The following ENTHD1 variants were observed in gnomAD, a reference collection of about 807,000 sequenced individuals.
ENTHD1 encodes ENTH domain-containing protein 1.
In ENTHD1, 23 loss-of-function variants were observed where a neutral mutation model predicts 39.1. The observed-to-expected ratio is 0.59, with a 90% CI of 0.42 to 0.83. The LOEUF is 0.83. Ranked by LOEUF, ENTHD1 falls within the 40% of genes least tolerant of loss-of-function variation. The pLI, the probability that ENTHD1 is intolerant of heterozygous loss-of-function variation, is 0.00. For synonymous variants in ENTHD1, 230 were observed against 258.2 expected (o/e 0.89, Z 1.05); for missense variants, 624 against 705.4 (o/e 0.88, Z 1.31).
intron 3 of ENTHD1, among the ~76,000 whole-genome samples, chr22:39,857,011 G>A (rs1379882574): frequency 2.0e-5 from 3 of 152,054 alleles, no homozygotes; most frequent in East Asian, 1.9e-4. Flanking sequence ...TGTGTTTGTC[G>A]TATTAAAAAA....
intron 6 of ENTHD1, among the ~76,000 whole-genome samples, chr22:39,762,600 T>C (rs1159893189): frequency 6.6e-6 from 1 of 151,964 alleles, no homozygotes; most frequent in Admixed American, 6.6e-5. Flanking sequence ...TACAGGCACA[T>C]GCTACCACAT....
Position 39,743,653 on chromosome 22 carries a change from T to C in ENTHD1, c.*26A>G. 6.5e-7 allele frequency: 1 copy of C among 1,549,298 alleles called. No homozygotes were observed. The highest frequency in any genetic ancestry group is 8.7e-7 in the Non-Finnish European group (1 of 1,149,448). Reference sequence around the variant, plus strand: ...CTTGGGGAAGTGGAACCACACGAGTTCTATCAAAAATAGATATTGTGATGA... The same window carrying C: ...CTTGGGGAAGTGGAACCACACGAGTCCTATCAAAAATAGATATTGTGATGA... On this transcript the variant is annotated 3_prime_UTR_variant, in exon 7 of 7. Transcript: ENST00000325157.
chr22:39,817,866 G>C (rs2065745571), intron 5 of ENTHD1, among the ~76,000 whole-genome samples: 1 of 152,126 alleles, frequency 6.6e-6, no homozygotes, highest in Admixed American at 6.5e-5. Context: ...TTTTGTCAAG[G>C]ATTTATAATT....
intron 5 of ENTHD1, among the ~76,000 whole-genome samples, chr22:39,771,547 T>C (rs1037662233): frequency 2.0e-5 from 3 of 152,128 alleles, no homozygotes; most frequent in African/African-American, 4.8e-5. Flanking sequence ...CATAGTCAAA[T>C]TGCTGATAAT....
At chr22:39,824,579 A>G (rs2065812409) in intron 4 of ENTHD1, among the ~76,000 whole-genome samples, 1 of 152,112 alleles carries the variant, frequency 6.6e-6, no homozygotes, top group Non-Finnish European at 1.5e-5. Context: ...TAAGTCTGTG[A>G]TTAACTTGGA....
chr22:39,841,226 A>G (rs1461967020), intron 3 of ENTHD1, among the ~76,000 whole-genome samples: 1 of 152,140 alleles, frequency 6.6e-6, no homozygotes, highest in Non-Finnish European at 1.5e-5. Flanking sequence ...TTATCTATTT[A>G]TGTACACATA....
chr22:39,823,622 G>A (rs1179286384), intron 4 of ENTHD1, among the ~76,000 whole-genome samples: 1 of 152,052 alleles, frequency 6.6e-6, no homozygotes, highest in Non-Finnish European at 1.5e-5. Context: ...CAAAGTGCTA[G>A]GATTACAGGC....
intron 1 of ENTHD1, among the ~76,000 whole-genome samples, chr22:39,890,297 C>T (rs2066416820): frequency 6.6e-6 from 1 of 151,860 alleles, no homozygotes; most frequent in South Asian, 2.1e-4. Flanking sequence ...TTATTTGGCA[C>T]CTTCCTGCAG....
At chr22:39,778,088 T>C (rs1402200835) in intron 5 of ENTHD1, among the ~76,000 whole-genome samples, 1 of 152,346 alleles carries the variant, frequency 6.6e-6, no homozygotes, top group Non-Finnish European at 1.5e-5. Context: ...AGAGGTTTAA[T>C]TCTGACGTGA....
At chr22:39,748,551 G>T (rs999544439) in intron 6 of ENTHD1, among the ~76,000 whole-genome samples, 8 of 151,828 alleles carry the variant, frequency 5.3e-5, no homozygotes, top group Non-Finnish European at 7.4e-5. Context: ...CTGACGAGTA[G>T]CTGGAATTGC....
chr22:39,846,465 T>C (rs1010322065), intron 3 of ENTHD1, among the ~76,000 whole-genome samples: 1 of 152,232 alleles, frequency 6.6e-6, no homozygotes. Flanking sequence ...TAGTTTCTTT[T>C]GCTGTGCAGA....
intron 2 of ENTHD1, among the ~76,000 whole-genome samples, chr22:39,877,528 C>T (rs1025995690): frequency 1.3e-5 from 2 of 152,146 alleles, no homozygotes; most frequent in African/African-American, 4.8e-5. Flanking sequence ...CAGAAACCTC[C>T]AAGGAAACAA....
chr22:39,859,179 A>G (rs2066119596), intron 3 of ENTHD1, among the ~76,000 whole-genome samples: 1 of 152,216 alleles, frequency 6.6e-6, no homozygotes, highest in African/African-American at 2.4e-5. Context: ...GCAGAATTAA[A>G]GACAGTTAGA....
intron 3 of ENTHD1, among the ~76,000 whole-genome samples, chr22:39,861,136 T>TA (rs754574376): frequency 2.9e-4 from 44 of 152,324 alleles, no homozygotes; most frequent in African/African-American, 1.0e-3. Context: ...CAGTTAAGGA[T>TA]AAAAAACTTA....
In ENTHD1 at chr22:39,743,762, T is replaced by C. The variant is rs780359859; in HGVS notation, c.1741A>G (p.Met581Val). ...QELNVINNIL[M>V]SMSLNSSQIS... is the part of the protein sequence containing the mutation. ...TGTGAACTATTCAGACTCATGCTCA[T>C]CAAGATGTTATTGATGACATTAAGT... Residue 581 changes from methionine (M) to valine (V), a missense_variant, in exon 7 of 7, where the codon ATG becomes GTG. Transcript: ENST00000325157. 6 of 1,614,040 alleles carry C rather than the reference T, an allele frequency of 3.7e-6. No homozygotes were observed. The highest frequency in any genetic ancestry group is 3.3e-5 in the South Asian group (3 of 91,086).
At chr22:39,763,677 C>T (rs934196653) in intron 6 of ENTHD1, among the ~76,000 whole-genome samples, 1 of 152,010 alleles carries the variant, frequency 6.6e-6, no homozygotes, top group African/African-American at 2.4e-5. Flanking sequence ...TTAATAATTT[C>T]CTAGATTTAA....
At chr22:39,879,961 C>T (rs1276289364) in intron 2 of ENTHD1, among the ~76,000 whole-genome samples, 3 of 152,232 alleles carry the variant, frequency 2.0e-5, no homozygotes, top group African/African-American at 7.2e-5. Context: ...GGCGCAATGG[C>T]TCATGCCTAT....
chr22:39,840,981 C>T (rs1307231527), intron 3 of ENTHD1, among the ~76,000 whole-genome samples: 1 of 152,126 alleles, frequency 6.6e-6, no homozygotes, highest in Non-Finnish European at 1.5e-5. Flanking sequence ...TCCTCGTGAT[C>T]CACCCACCTC....
intron 4 of ENTHD1, among the ~76,000 whole-genome samples, chr22:39,829,402 T>G (rs1002131292): frequency 6.6e-6 from 1 of 151,546 alleles, no homozygotes; most frequent in Non-Finnish European, 1.5e-5. Flanking sequence ...AATAGGTGAC[T>G]ATTTCTTTCA....
Sources: allele counts gnomAD v4.1 joint callset (sites outside exome capture counted in the v4.1 genomes callset), GRCh38; gene constraint gnomAD v4.1.1; transcripts MANE v1.5; gene names NCBI Gene and HGNC (gene_info 2026-07-23, HGNC 2026-07-21).